Variants in FHL5 observed in about 807,000 individuals in gnomAD.
FHL5 encodes four and a half LIM domains protein 5.
In FHL5, 33 loss-of-function variants were observed where a neutral mutation model predicts 32.0. The observed-to-expected ratio is 1.03, with a 90% CI of 0.78 to 1.38. The LOEUF is 1.38. Among genes scored for constraint, FHL5 ranks in the 40% most tolerant of loss-of-function variants. FHL5 has a pLI of 0.00. For missense variants in FHL5, 336 were observed against 343.9 expected (o/e 0.98, Z 0.18); for synonymous variants, 114 against 113.6 (o/e 1.00, Z -0.02).
rs183482324 is a variant in FHL5, at chr6:96,600,818, A to C, written c.-12-2784A>C. Among the ~76,000 whole-genome samples the C allele has an allele frequency of 2.7e-3, 413 of 152,342 alleles. 2 individuals carry two copies. Among genetic ancestry groups the C allele is most frequent in the Admixed American group, 3.9e-3 (60 of 15,300 alleles). ...CCTCAAATTACATTAACTATTACTA[A>C]GATACGAGCTATAAGATAATCCAGA... On this transcript the variant is annotated intron_variant, in intron 1 of 5. Coordinates refer to ENST00000450218, the MANE Select transcript of FHL5 (RefSeq NM_001322466.2).
At chr6:96,601,143 G>A (rs1238161486) in intron 1 of FHL5, among the ~76,000 whole-genome samples, 1 of 152,064 alleles carries the variant, frequency 6.6e-6, no homozygotes, top group African/African-American at 2.4e-5. Context: ...AGACCATCCT[G>A]GCCAACACGG....
chr6:96,585,966 T>C lies in FHL5; in HGVS notation c.-12-17636T>C, dbSNP rs560647218. On this transcript the variant is annotated intron_variant, in intron 1 of 5. Transcript: ENST00000450218. ...TGCATATTGTAAACATATTCTTGCC[T>C]TGCACAGTTCCATGGTAGCTGAGTA... Among the ~76,000 whole-genome samples, 4 of 152,318 alleles carry C rather than the reference T, an allele frequency of 2.6e-5. No individual in the cohort carries two copies. The South Asian group carries it at 8.3e-4, about 32-fold the overall frequency.
rs770452357 is a variant in FHL5, at chr6:96,603,602, G to A, written c.-12G>A. ...ACATTAATCACTTTGTCATTCATAG[G>A]ATCAAACCAAAATGACAACTGCTCA... On this transcript the variant is annotated splice_region_variant and 5_prime_UTR_variant, in exon 2 of 6. Transcript: ENST00000450218. 5.6e-6 allele frequency: 9 copies of A among 1,606,720 alleles called. No individual in the cohort carries two copies. The highest frequency in any genetic ancestry group is 7.6e-6 in the Non-Finnish European group (9 of 1,177,382).
intron 4 of FHL5, among the ~76,000 whole-genome samples, chr6:96,606,657 A>G (rs1323832526): frequency 6.6e-6 from 1 of 152,102 alleles, no homozygotes; most frequent in African/African-American, 2.4e-5. Flanking sequence ...CGGCCCATTC[A>G]CTGCTTTTAT....
intron 1 of FHL5, among the ~76,000 whole-genome samples, chr6:96,576,110 C>A (rs190156693): frequency 5.9e-5 from 9 of 152,156 alleles, no homozygotes; most frequent in Non-Finnish European, 1.0e-4. Context: ...ACTTTGTCTT[C>A]GAGACTACCT....
At position 96,606,234 on chromosome 6, in the gene FHL5, G is replaced by T. The variant is rs73492772; in HGVS notation, c.504+163G>T. Among the ~76,000 whole-genome samples, 1,448 of 152,000 alleles carry T rather than the reference G, an allele frequency of 9.5e-3. 23 individuals carry two copies. Among genetic ancestry groups the T allele is most frequent in the African/African-American group, 0.033 (1,389 of 41,490 alleles). ...TCCAAACCACTAGTTGTCACGATGA[G>T]CATGACCATCTTTTTTTTTTTTATT... On this transcript the variant is annotated intron_variant, in intron 4 of 5. Coordinates refer to ENST00000450218, the MANE Select transcript of FHL5 (RefSeq NM_001322466.2).
chr6:96,603,468 C>T, intron 1 of FHL5, 134 bp from the exon 2 acceptor site: 2 of 636,856 alleles, frequency 3.1e-6, no homozygotes, highest in South Asian at 4.2e-5. Flanking sequence ...GCATACTTTC[C>T]TAAATTGGGG....
At chr6:96,583,707 A>T (rs771197381) in intron 1 of FHL5, among the ~76,000 whole-genome samples, 1 of 152,140 alleles carries the variant, frequency 6.6e-6, no homozygotes, top group Non-Finnish European at 1.5e-5. Flanking sequence ...TTCAAAGGGC[A>T]ATTGAATATC....
intron 4 of FHL5, among the ~76,000 whole-genome samples, chr6:96,609,962 G>GA (rs1464576811): frequency 1.3e-5 from 2 of 152,124 alleles, no homozygotes; most frequent in Non-Finnish European, 2.9e-5. Context: ...GGTAAGGACT[G>GA]AAAAAACACT....
At chr6:96,598,568 C>G (rs568978511) in intron 1 of FHL5, among the ~76,000 whole-genome samples, 1 of 152,320 alleles carries the variant, frequency 6.6e-6, no homozygotes, top group Non-Finnish European at 1.5e-5. Context: ...TCAACCCACA[C>G]TGGACATTAG....
intron 1 of FHL5, among the ~76,000 whole-genome samples, chr6:96,569,155 TG>T (rs1477784493): frequency 2.6e-5 from 4 of 152,066 alleles, no homozygotes; most frequent in African/African-American, 9.6e-5. Flanking sequence ...TATTTTCATT[TG>T]TTTGAAGATA....
In FHL5 at chr6:96,572,153, C is replaced by G. The variant is rs141623692; in HGVS notation, c.-13+8798C>G. 9.8e-5 allele frequency among the ~76,000 whole-genome samples: 15 copies of G among 152,316 alleles called. No homozygotes were observed. In the East Asian group the frequency reaches 2.9e-3, roughly 29 times the overall value. On this transcript the variant is annotated intron_variant, in intron 1 of 5. Transcript: ENST00000450218. The stretch of plus-strand genomic sequence containing the variant: ...TTCCCCAAGGGACAATGTGCCACTT[C>G]AGCTCAGGCTTGAAGGATGTGACTG...
At chr6:96,602,422 G>GTTCCTTTTTTTTTTTT (rs1562062425) in intron 1 of FHL5, among the ~76,000 whole-genome samples, 8 of 26,584 alleles carry the variant, frequency 3.0e-4, no homozygotes, top group African/African-American at 6.8e-4. Flanking sequence ...TATATGCGTT[G>GTTCCTTTTTTTTTTTT]TTTCTTTTTT....
chr6:96,615,478 T>C (rs999406124), intron 5 of FHL5, 131 bp from the exon 6 acceptor site: 2 of 620,134 alleles, frequency 3.2e-6, no homozygotes, highest in Non-Finnish European at 5.1e-6. Flanking sequence ...AGCAGCATTC[T>C]TTTTTGGGTT....
chr6:96,569,945 C>T (rs1770440919), intron 1 of FHL5, among the ~76,000 whole-genome samples: 2 of 151,082 alleles, frequency 1.3e-5, no homozygotes, highest in South Asian at 4.2e-4. Context: ...TTGTTGTTTT[C>T]CTGTTGTCTT....
At chr6:96,601,934 A>G (rs1562062273) in intron 1 of FHL5, among the ~76,000 whole-genome samples, 1 of 152,200 alleles carries the variant, frequency 6.6e-6, no homozygotes, top group Non-Finnish European at 1.5e-5. Context: ...GGAGAATTCA[A>G]TGTTCCTTTT....
chr6:96,608,260 G>A (rs1040750586), intron 4 of FHL5, among the ~76,000 whole-genome samples: 21 of 152,284 alleles, frequency 1.4e-4, no homozygotes, highest in African/African-American at 4.6e-4. Context: ...GCCAAGTGCT[G>A]ATGTTTCCCA....
At chr6:96,564,894 A>T (rs1770319641) in intron 1 of FHL5, among the ~76,000 whole-genome samples, 1 of 152,080 alleles carries the variant, frequency 6.6e-6, no homozygotes, top group African/African-American at 2.4e-5. Flanking sequence ...GGAAGAGAAG[A>T]AAGAGGTAGA....
Position 96,604,808 on chromosome 6 carries a change from A to T in FHL5, c.218A>T (p.Asn73Ile), listed in dbSNP as rs774436699. 1 of 1,613,796 alleles carries T rather than the reference A, an allele frequency of 6.2e-7. No individual in the cohort carries two copies. The highest frequency in any genetic ancestry group is 8.5e-7 in the Non-Finnish European group (1 of 1,179,778). The change falls in exon 3 of 6, where the codon AAT becomes ATT. Residue 73 changes from asparagine to isoleucine, a missense_variant. Physicochemically the swap from Asn to Ile is moderately radical, Grantham distance 149. Coordinates refer to ENST00000450218, the MANE Select transcript of FHL5 (RefSeq NM_001322466.2). ...HEGCFKCTKC[N>I]HSLVEKPFAA... ...GGATGCTTCAAGTGCACCAAATGCA[A>T]TCACTCTTTGGTGGAAAAGCCTTTT...
Sources: gnomAD v4.1 joint callset for allele counts (sites outside exome capture counted in the v4.1 genomes callset) on GRCh38, gnomAD v4.1.1 for gene constraint, MANE v1.5 for transcripts, NCBI Gene and HGNC (gene_info 2026-07-23, HGNC 2026-07-21) for gene names.